The following PRC1 variants were observed in gnomAD, a reference collection of about 807,000 sequenced individuals.
PRC1 encodes the protein protein regulator of cytokinesis 1.
In PRC1, 54 loss-of-function variants were observed where a neutral mutation model predicts 91.2. The observed-to-expected ratio is 0.59, with a 90% confidence interval of 0.48 to 0.74. The LOEUF (loss-of-function observed/expected upper bound fraction) is 0.74. Ranked by LOEUF, PRC1 falls within the 30% of genes least tolerant of loss-of-function variation. The pLI, the probability that PRC1 is intolerant of heterozygous loss-of-function variation, is 0.00. For missense variants in PRC1, 727 were observed against 746.2 expected, an observed-to-expected ratio of 0.97 and a Z score of 0.30; for synonymous variants, 275 against 263.6, an observed-to-expected ratio of 1.04 and a Z score of -0.42.
rs2037504449 is a variant in PRC1 at position 90,966,571 on chromosome 15, C to T, written c.*560G>A. ...CACAATTTAACAAAGCTGCTCCCAG[C>T]CTTCCTGTCACCTCTTTGGCAGTAG... On this transcript the variant is annotated 3_prime_UTR_variant, in exon 15 of 15. Coordinates refer to ENST00000394249, the MANE Select transcript of PRC1 (RefSeq NM_003981.4). The T allele has an allele frequency of 4.4e-6, 2 of 456,040 alleles. No individual in the cohort carries two copies. Among genetic ancestry groups the T allele is most frequent in the East Asian group, 6.9e-5 (1 of 14,412 alleles). The allele number at this position is 456,040 out of a possible 1,614,324, so 28.2% of individuals were successfully genotyped here.
Position 90,967,159 on chromosome 15 carries a change from A to G in PRC1, c.1835T>C (p.Ile612Thr), listed in dbSNP as rs142433081. 3.7e-6 allele frequency: 6 copies of G among 1,614,066 alleles called. No individual in the cohort carries two copies. In the African/African-American group the frequency reaches 6.7e-5, roughly 18 times the overall value. Residue 612 changes from isoleucine to threonine, a missense_variant, in exon 15 of 15, where the codon ATC becomes ACC. By Grantham distance (89) the Ile-to-Thr change is moderately conservative. Coordinates refer to ENST00000394249, the MANE Select transcript of PRC1 (RefSeq NM_003981.4). ...KASKSDATSG[I>T]LNSTNIQS The stretch of plus-strand genomic sequence containing the variant: ...GGACTGGATGTTGGTTGAATTGAGG[A>G]TTCCAGAAGTAGCATCAGATTTGGA...
intron 14 of PRC1, chr15:90,968,207 A>C (rs2037704976): frequency 3.0e-6 from 3 of 985,460 alleles, no homozygotes; most frequent in Non-Finnish European, 3.6e-6. Flanking sequence ...AAAAAGAGAA[A>C]GCTGGACCTC....
At chr15:90,987,604 A>G (rs1011767513) in intron 1 of PRC1, 1 of 152,246 alleles carries the variant, frequency 6.6e-6, no homozygotes, top group Admixed American at 6.5e-5. Context: ...CATTTAAAGA[A>G]TAGAAATTTT....
rs886353321 is a variant in PRC1, at chr15:90,974,392, G to A, written c.1351-146C>T. The stretch of plus-strand genomic sequence containing the variant: ...GCGGGCTCCCCGTTCCACAAGCCCC[G>A]GTCCCCGGCTCCCCGTTCCACAAGC... On this transcript the variant is annotated intron_variant, in intron 10 of 14. Coordinates refer to ENST00000394249, the MANE Select transcript of PRC1 (RefSeq NM_003981.4). The surrounding 1 kb of genome is among the most constrained non-coding windows in gnomAD (Gnocchi z 4.6). 28 of 1,080,528 alleles carry A rather than the reference G, an allele frequency of 2.6e-5. No individual in the cohort carries two copies. Among genetic ancestry groups the A allele is most frequent in the African/African-American group, 1.4e-4 (9 of 62,142 alleles). The allele number at this position is 1,080,528 out of a possible 1,614,324, so 66.9% of individuals were successfully genotyped here.
At position 90,984,277 on chromosome 15, in the gene PRC1, G is replaced by A. The variant is rs2039423490; in HGVS notation, c.145-137C>T. 4.2e-6 allele frequency: 5 copies of A among 1,202,458 alleles called. No homozygotes were observed. Among genetic ancestry groups the A allele is most frequent in the Admixed American group, 4.5e-5 (2 of 44,682 alleles). 74.5% of individuals were successfully genotyped at this position (1,202,458 alleles called of 1,614,324 possible). A position where few individuals can be genotyped will look rare whatever the true frequency, so the allele number is the denominator to read the frequency against. On this transcript the variant is annotated intron_variant, in intron 2 of 14. Transcript: ENST00000394249. The surrounding 1 kb of genome is among the most constrained non-coding windows in gnomAD (Gnocchi z 5.1). ...GGAGTCTCGCTCTGTTGCCCAGGCT[G>A]GAGTGCAATGGCGTGCTTTCGGCTC...
intron 1 of PRC1, among the ~76,000 whole-genome samples, chr15:90,992,775 G>A (rs985605908): frequency 2.0e-5 from 3 of 151,882 alleles, no homozygotes; most frequent in Non-Finnish European, 4.4e-5. Context: ...AGGACAAAAA[G>A]GTTGTAAAAT....
Position 90,979,195 on chromosome 15 carries a change from T to C in PRC1, c.1070A>G (p.Lys357Arg). 6.2e-7 allele frequency: 1 copy of C among 1,614,182 alleles called. No homozygotes were observed. The highest frequency in any genetic ancestry group is 8.5e-7 in the Non-Finnish European group (1 of 1,180,008). Residue 357 changes from lysine to arginine, a missense_variant, in exon 8 of 15, where the codon AAG (lysine) becomes AGG (arginine). Coordinates refer to ENST00000394249, the MANE Select transcript of PRC1 (RefSeq NM_003981.4). ...GAAAAGCCTCCAGGTTTCTTCCCACTTCTGGACACCTTCAAAGAGTTCCTT... is the reference window on the plus strand; with the variant it reads ...GAAAAGCCTCCAGGTTTCTTCCCACCTCTGGACACCTTCAAAGAGTTCCTT... ...VHKELFEGVQ[K>R]WEETWRLFLE...
rs1056129386 is a variant in PRC1, at chr15:90,966,085, A to G, written c.*1046T>C. 6.6e-6 allele frequency: 1 copy of G among 152,288 alleles called. No homozygotes were observed. The highest frequency in any genetic ancestry group is 6.5e-5 in the Admixed American group (1 of 15,286). 9.4% of individuals were successfully genotyped at this position (152,288 alleles called of 1,614,324 possible). A position where few individuals can be genotyped will look rare whatever the true frequency, so the allele number is the denominator to read the frequency against. ...AGATTTTAATTTATTTTTAAGAATA[A>G]TTGTATATTTTAAAAACAGGACACG... is the stretch of plus-strand genomic sequence containing the variant. On this transcript the variant is annotated 3_prime_UTR_variant, in exon 15 of 15. Coordinates refer to ENST00000394249, the MANE Select transcript of PRC1 (RefSeq NM_003981.4).
rs1423000837 is a variant in PRC1 at position 90,966,254 on chromosome 15, GA to G, written c.*876del. The G allele has an allele frequency of 9.3e-6, 2 of 215,982 alleles. No homozygotes were observed. The highest frequency in any genetic ancestry group is 1.9e-5 in the Non-Finnish European group (2 of 104,072). The allele number at this position is 215,982 out of a possible 1,614,324, so 13.4% of individuals were successfully genotyped here. A position where few individuals can be genotyped will look rare whatever the true frequency, so the allele number is the denominator to read the frequency against. On this transcript the variant is annotated 3_prime_UTR_variant, in exon 15 of 15. Coordinates refer to ENST00000394249, the MANE Select transcript of PRC1 (RefSeq NM_003981.4). Reference sequence around the variant, plus strand: ...GTGCTTCAAGAAGAGTAGTGATTGAGAGGATAGGTAAAGAGGGCGCCTCATC... The same window carrying G: ...GTGCTTCAAGAAGAGTAGTGATTGAGGGATAGGTAAAGAGGGCGCCTCATC...
chr15:90,974,273 A>G lies in PRC1; in HGVS notation c.1351-27T>C. On this transcript the variant is annotated intron_variant, in intron 10 of 14. Transcript: ENST00000394249. This position sits in a 1 kb window ranked among gnomAD's most constrained non-coding sequence, Gnocchi z 4.6. ...TGTGTGAAAGTCAGAAGCAACAGTG[A>G]TAAATCTCAGGAAGAGAGCGGGTCT... 1.9e-6 allele frequency: 3 copies of G among 1,580,328 alleles called. No individual in the cohort carries two copies. Among genetic ancestry groups the G allele is most frequent in the Non-Finnish European group, 2.6e-6 (3 of 1,149,558 alleles).
At chr15:90,994,319 G>C (rs1386877902) in intron 1 of PRC1, 88 bp downstream of exon 1, 17 of 1,582,946 alleles carry the variant, frequency 1.1e-5, no homozygotes. Flanking sequence ...CCGGGACCCC[G>C]CACGGGTCCC....
intron 1 of PRC1, among the ~76,000 whole-genome samples, chr15:90,990,556 G>C (rs1205991619): frequency 2.0e-5 from 3 of 151,638 alleles, no homozygotes. Context: ...CGGCTGGGGA[G>C]AATTTGGACC....
At chr15:90,973,779 T>G (rs1370125799) in intron 11 of PRC1, among the ~76,000 whole-genome samples, 2 of 152,078 alleles carry the variant, frequency 1.3e-5, no homozygotes, top group African/African-American at 4.8e-5. Context: ...GTACCTTCCC[T>G]TGAACTTATT....
chr15:90,989,268 G>A (rs904607999), intron 1 of PRC1, among the ~76,000 whole-genome samples: 12 of 151,968 alleles, frequency 7.9e-5, no homozygotes, highest in Non-Finnish European at 1.2e-4. Flanking sequence ...TTTGTTTTTT[G>A]AGACAGGGCC....
intron 8 of PRC1, 28 bp from the exon 9 acceptor site, chr15:90,976,799 G>T (rs768192616): frequency 6.4e-7 from 1 of 1,564,656 alleles, no homozygotes. Flanking sequence ...TTAATTAGTG[G>T]AAAACCTGGC....
chr15:90,966,858 T>G lies in PRC1; in HGVS notation c.*273A>C, dbSNP rs756110530. On this transcript the variant is annotated 3_prime_UTR_variant, in exon 15 of 15. Coordinates refer to ENST00000394249, the MANE Select transcript of PRC1 (RefSeq NM_003981.4). Reference sequence around the variant, plus strand: ...TCATGCTTCAGCAAGTAGAATTATGTGGTAGAGAAGTCAGGCCCCATATGC... The same window carrying G: ...TCATGCTTCAGCAAGTAGAATTATGGGGTAGAGAAGTCAGGCCCCATATGC... The G allele has an allele frequency of 3.8e-6, 2 of 522,950 alleles. No individual in the cohort carries two copies. The highest frequency in any genetic ancestry group is 1.9e-5 in the African/African-American group (1 of 52,166). The allele number at this position is 522,950 out of a possible 1,614,324, so 32.4% of individuals were successfully genotyped here.
intron 3 of PRC1, 116 bp downstream of exon 3, chr15:90,983,902 T>C (rs768510404): frequency 1.1e-5 from 15 of 1,363,650 alleles, no homozygotes; most frequent in Non-Finnish European, 1.4e-5. Flanking sequence ...TCCCCACTTC[T>C]TACGTCTAGC....
At chr15:90,968,967 C>T in intron 14 of PRC1, 112 bp downstream of exon 14, 1 of 1,552,242 alleles carries the variant, frequency 6.4e-7, no homozygotes, top group South Asian at 1.2e-5. Context: ...TTCCTGCTTC[C>T]TTTGTAACAC....
chr15:90,978,435 C>A (rs377766661), intron 8 of PRC1, among the ~76,000 whole-genome samples: 1 of 152,086 alleles, frequency 6.6e-6, no homozygotes, highest in African/African-American at 2.4e-5. Context: ...CTTCTTTGTT[C>A]CTTCCTCCAC....
Sources: allele counts gnomAD v4.1 joint callset (sites outside exome capture counted in the v4.1 genomes callset), GRCh38; gene constraint gnomAD v4.1.1; non-coding constraint Gnocchi (gnomAD v3.1); transcripts MANE v1.5; gene names NCBI Gene and HGNC (gene_info 2026-07-23, HGNC 2026-07-21).